PAPPA2: variants seen among roughly 807,000 people sequenced by gnomAD.
The protein encoded by PAPPA2 is pappalysin 2, also known as pappalysin-2.
PAPPA2 carries 86 observed loss-of-function variants against 176.4 expected under a neutral mutation model. The observed-to-expected ratio is 0.49, with a 90% CI of 0.41 to 0.58. PAPPA2 has a LOEUF of 0.58. Ranked by LOEUF, PAPPA2 falls within the 20% of genes least tolerant of loss-of-function variation. The pLI is 0.00. For missense variants in PAPPA2, 2,073 were observed against 2,256.9 expected, an observed-to-expected ratio of 0.92 and a Z score of 1.65; for synonymous variants, 809 against 852.2, an observed-to-expected ratio of 0.95 and a Z score of 0.88.
Position 176,690,312 on chromosome 1 carries a change from T to C in PAPPA2, c.2313T>C (p.Cys771=). The C allele has an allele frequency of 6.2e-7, 1 of 1,614,130 alleles. No individual in the cohort carries two copies. Among genetic ancestry groups the C allele is most frequent in the Non-Finnish European group, 8.5e-7 (1 of 1,180,002 alleles). The change falls in exon 5 of 23, where the codon TGT becomes TGC. Residue 771 remains cysteine (C), a synonymous_variant. Transcript: ENST00000367662. ...CATCCATGGAAACGGGAGACCTCTG[T>C]GCCGACACCGCCCCCACTCCCAAGA... The part of the protein sequence containing the change: ...TVPSMETGDL[C]ADTAPTPKSE...
chr1:176,464,180 C>A (rs539972444), intron 1 of PAPPA2, among the ~76,000 whole-genome samples: 44 of 152,278 alleles, frequency 2.9e-4, no homozygotes, highest in African/African-American at 1.0e-3. Context: ...AATTCTGGAA[C>A]AGTGATTTCT....
chr1:176,770,338 G>A (rs1251348362), intron 16 of PAPPA2, among the ~76,000 whole-genome samples: 1 of 152,116 alleles, frequency 6.6e-6, no homozygotes, highest in Non-Finnish European at 1.5e-5. Flanking sequence ...TGATGTTATG[G>A]TGAATAGTCC....
chr1:176,473,533 T>C (rs1572944267), intron 1 of PAPPA2, among the ~76,000 whole-genome samples: 4 of 152,196 alleles, frequency 2.6e-5, no homozygotes, highest in African/African-American at 4.8e-5. Flanking sequence ...TTACAGTCAC[T>C]TGGGTAAATA....
chr1:176,645,932 G>A (rs567953348), intron 3 of PAPPA2, among the ~76,000 whole-genome samples: 4 of 151,418 alleles, frequency 2.6e-5, no homozygotes, highest in East Asian at 3.9e-4. Context: ...ATTTTAAATC[G>A]GATTATTATT....
intron 21 of PAPPA2, among the ~76,000 whole-genome samples, chr1:176,801,105 G>A (rs72718611): frequency 4.7e-5 from 7 of 148,948 alleles, no homozygotes; most frequent in African/African-American, 7.4e-5. Context: ...ACACACACAC[G>A]CACACACACA....
At chr1:176,538,892 A>T (rs1270731678) in intron 1 of PAPPA2, among the ~76,000 whole-genome samples, 2 of 152,134 alleles carry the variant, frequency 1.3e-5, no homozygotes, top group African/African-American at 4.8e-5. Flanking sequence ...GGCCTCACAG[A>T]TTTAAAAAGT....
intron 3 of PAPPA2, among the ~76,000 whole-genome samples, chr1:176,596,243 C>T (rs546294603): frequency 6.6e-6 from 1 of 152,312 alleles, no homozygotes; most frequent in African/African-American, 2.4e-5. Flanking sequence ...TTTTCCTCCA[C>T]TGCACTCAGA....
At chr1:176,798,241 A>G (rs1665530734) in intron 20 of PAPPA2, among the ~76,000 whole-genome samples, 1 of 152,220 alleles carries the variant, frequency 6.6e-6, no homozygotes, top group South Asian at 2.1e-4. Context: ...TGTTTGTTAT[A>G]GCAAATGACT....
chr1:176,463,899 T>C (rs565715770), intron 1 of PAPPA2, among the ~76,000 whole-genome samples: 1 of 151,978 alleles, frequency 6.6e-6, no homozygotes, highest in African/African-American at 2.4e-5. Flanking sequence ...TGAGTGTGTG[T>C]GGGGTGCAGG....
chr1:176,790,659 C>T (rs1023983406), intron 18 of PAPPA2, among the ~76,000 whole-genome samples: 2 of 152,056 alleles, frequency 1.3e-5, no homozygotes, highest in African/African-American at 4.8e-5. Context: ...CAAGCACATC[C>T]GGTTGCACTG....
At chr1:176,516,639 T>C (rs1015828871) in intron 1 of PAPPA2, among the ~76,000 whole-genome samples, 7 of 152,176 alleles carry the variant, frequency 4.6e-5, no homozygotes, top group African/African-American at 1.7e-4. Context: ...GAGGACATAG[T>C]GTTTTTTCCT....
At chr1:176,654,250 T>C (rs1025651705) in intron 3 of PAPPA2, among the ~76,000 whole-genome samples, 1 of 151,562 alleles carries the variant, frequency 6.6e-6, no homozygotes, top group African/African-American at 2.4e-5. Context: ...TAGATAGGGG[T>C]CCAATTTCAT....
intron 5 of PAPPA2, chr1:176,691,124 T>G: frequency 1.0e-6 from 1 of 985,282 alleles, no homozygotes; most frequent in Non-Finnish European, 1.2e-6. Context: ...CTTCCTTGTT[T>G]CTTGTGAAAA....
chr1:176,766,130 G>A (rs1663953032), intron 15 of PAPPA2, among the ~76,000 whole-genome samples: 1 of 152,142 alleles, frequency 6.6e-6, no homozygotes, highest in African/African-American at 2.4e-5. Flanking sequence ...CCTTTAAGAT[G>A]AGAATGCCAA....
At chr1:176,479,227 C>T (rs927519496) in intron 1 of PAPPA2, among the ~76,000 whole-genome samples, 11 of 152,238 alleles carry the variant, frequency 7.2e-5, no homozygotes, top group East Asian at 3.9e-4. Flanking sequence ...AATTAAAGCA[C>T]GGGGCCAGAT....
chr1:176,702,870 A>G, intron 9 of PAPPA2, 135 bp downstream of exon 9: 1 of 1,222,344 alleles, frequency 8.2e-7, no homozygotes, highest in Non-Finnish European at 1.1e-6. Context: ...TGTTTTGGAA[A>G]TGTAGGGAGC....
chr1:176,550,713 G>GA (rs1365543355), intron 1 of PAPPA2, among the ~76,000 whole-genome samples: 2 of 151,860 alleles, frequency 1.3e-5, no homozygotes, highest in Non-Finnish European at 2.9e-5. Flanking sequence ...TTGTATTCTG[G>GA]AAAAAAAATG....
intron 3 of PAPPA2, among the ~76,000 whole-genome samples, chr1:176,610,051 A>G (rs549873186): frequency 6.6e-6 from 1 of 152,180 alleles, no homozygotes; most frequent in South Asian, 2.1e-4. Flanking sequence ...ACGAAACATG[A>G]ATCACCCTTC....
At chr1:176,773,475 G>A (rs1479175995) in intron 17 of PAPPA2, among the ~76,000 whole-genome samples, 1 of 152,138 alleles carries the variant, frequency 6.6e-6, no homozygotes, top group Non-Finnish European at 1.5e-5. Context: ...ATGGGCACAT[G>A]CTAATTTTAT....
Sources: gnomAD v4.1 joint callset for allele counts (sites outside exome capture counted in the v4.1 genomes callset) on GRCh38, gnomAD v4.1.1 for gene constraint, MANE v1.5 for transcripts, NCBI Gene and HGNC (gene_info 2026-07-23, HGNC 2026-07-21) for gene names.